UBE3B: variants seen among roughly 807,000 people sequenced by gnomAD.
The protein encoded by UBE3B is ubiquitin protein ligase E3B.
Under a neutral mutation model 132.3 loss-of-function variants are expected in UBE3B, and 80 were observed. The ratio of observed to expected loss-of-function variants is 0.60; its 90% CI spans 0.50 to 0.73. The LOEUF is 0.73. UBE3B is among the 30% of genes least tolerant of loss of function. The pLI, the probability that UBE3B is intolerant of heterozygous loss-of-function variation, is 0.00. For synonymous variants in UBE3B, 487 were observed against 520.4 expected (o/e 0.94, Z 0.87); for missense variants, 1,196 against 1,362.5 (o/e 0.88, Z 1.92).
intron 3 of UBE3B, 51 bp from the exon 4 acceptor site, chr12:109,483,810 G>T: frequency 6.3e-7 from 1 of 1,594,272 alleles, no homozygotes; most frequent in Non-Finnish European, 8.5e-7. Flanking sequence ...AGCCTTCCAG[G>T]TGCTACAAGC....
chr12:109,516,818 G>A lies in UBE3B; in HGVS notation c.2010G>A (p.Leu670=). 1 of 1,614,102 alleles carries A rather than the reference G, an allele frequency of 6.2e-7. No individual in the cohort carries two copies. Among genetic ancestry groups the A allele is most frequent in the Non-Finnish European group, 8.5e-7 (1 of 1,180,024 alleles). Residue 670 remains leucine, a synonymous_variant, in exon 19 of 28, where the codon CTG becomes CTA. Transcript: ENST00000342494. ...MVTKEKEKLG[L]VETSSASPHV... ...CCAAGGAGAAGGAGAAACTGGGGCT[G>A]GTGGAAACCAGCTCTGCCTCCCCGC...
At chr12:109,490,273 G>A (rs1877231226) in intron 8 of UBE3B, 1 of 1,081,080 alleles carries the variant, frequency 9.3e-7, no homozygotes, top group Non-Finnish European at 1.3e-6. Context: ...AACTCTGGAA[G>A]GAGACCTCAG....
chr12:109,487,067 T>C (rs1198809023), intron 6 of UBE3B, among the ~76,000 whole-genome samples: 1 of 150,864 alleles, frequency 6.6e-6, no homozygotes. Context: ...CCTCGTCCTT[T>C]CCTGCTGTAA....
chr12:109,526,601 A>G (rs1473139839), intron 24 of UBE3B, among the ~76,000 whole-genome samples, 185 bp downstream of exon 24: 1 of 152,236 alleles, frequency 6.6e-6, no homozygotes, highest in African/African-American at 2.4e-5. Flanking sequence ...GGCCGGGCAC[A>G]GTGGCTCATG....
At chr12:109,528,781 CA>C (rs1361532601) in intron 24 of UBE3B, among the ~76,000 whole-genome samples, 1 of 151,508 alleles carries the variant, frequency 6.6e-6, no homozygotes, top group Non-Finnish European at 1.5e-5. Context: ...ACCCAGGAGG[CA>C]GAGGTTGCAG....
In UBE3B at chr12:109,535,365, T is replaced by C. The variant is rs1265889372; in HGVS notation, c.*583T>C. On this transcript the variant is annotated 3_prime_UTR_variant, in exon 28 of 28. Coordinates refer to ENST00000342494, the MANE Select transcript of UBE3B (RefSeq NM_130466.4). ...GCGCAGGCGCCTGCTAGGGACGCTA[T>C]GGACACCGTGAGTCCAAGGCGCTGC... is the stretch of plus-strand genomic sequence containing the variant. 1.3e-5 allele frequency: 2 copies of C among 152,292 alleles called. No homozygotes were observed. Among genetic ancestry groups the C allele is most frequent in the East Asian group, 1.9e-4 (1 of 5,188 alleles). 9.4% of individuals were successfully genotyped at this position (152,292 alleles called of 1,614,324 possible).
At chr12:109,508,093 A>G (rs569989188) in intron 15 of UBE3B, among the ~76,000 whole-genome samples, 1 of 152,328 alleles carries the variant, frequency 6.6e-6, no homozygotes, top group African/African-American at 2.4e-5. Flanking sequence ...GATCCTTGCT[A>G]AGCAGATCTT....
chr12:109,507,707 T>C lies in UBE3B; in HGVS notation c.1594T>C (p.Phe532Leu). 1 of 1,613,916 alleles carries C rather than the reference T, an allele frequency of 6.2e-7. No homozygotes were observed. The highest frequency in any genetic ancestry group is 8.5e-7 in the Non-Finnish European group (1 of 1,179,930). ...GCAACTCTTGGCCATGCTGATGCTGTTCTGTGACTGTTCGCGGCACCTCAT... is the reference window on the plus strand; with the variant it reads ...GCAACTCTTGGCCATGCTGATGCTGCTCTGTGACTGTTCGCGGCACCTCAT... ...SKQLLAMLML[F>L]CDCSRHLITI... Residue 532 changes from phenylalanine (F) to leucine (L), a missense_variant, in exon 15 of 28, where the codon TTC becomes CTC. Transcript: ENST00000342494.
intron 18 of UBE3B, among the ~76,000 whole-genome samples, chr12:109,514,753 C>G (rs1054933680): frequency 6.6e-6 from 1 of 151,886 alleles, no homozygotes; most frequent in Non-Finnish European, 1.5e-5. Flanking sequence ...TCCCTGTGTC[C>G]CCAATCTGTC....
intron 25 of UBE3B, among the ~76,000 whole-genome samples, 160 bp downstream of exon 25, chr12:109,530,232 A>T (rs889533001): frequency 3.9e-5 from 6 of 152,132 alleles, no homozygotes; most frequent in Non-Finnish European, 7.4e-5. Flanking sequence ...AAGCTTGACC[A>T]CTTGTCTGCC....
At chr12:109,526,575 A>T in intron 24 of UBE3B, 159 bp downstream of exon 24, 1 of 796,550 alleles carries the variant, frequency 1.3e-6, no homozygotes, top group Non-Finnish European at 2.0e-6. Flanking sequence ...CCAGAATTGT[A>T]TTAAATTCAA....
At chr12:109,530,854 G>A (rs1320493754) in intron 26 of UBE3B, among the ~76,000 whole-genome samples, 196 bp downstream of exon 26, 1 of 152,228 alleles carries the variant, frequency 6.6e-6, no homozygotes. Context: ...GGCCGAGCCT[G>A]CTGTGTGTCC....
At chr12:109,517,722 C>T (rs546122887) in intron 19 of UBE3B, among the ~76,000 whole-genome samples, 1 of 152,242 alleles carries the variant, frequency 6.6e-6, no homozygotes, top group Admixed American at 6.5e-5. Flanking sequence ...CACTTCAGAC[C>T]TTTTTATCAC....
intron 14 of UBE3B, among the ~76,000 whole-genome samples, chr12:109,506,216 C>G (rs539887135): frequency 1.2e-4 from 19 of 152,166 alleles, no homozygotes; most frequent in Non-Finnish European, 2.5e-4. Flanking sequence ...GAAGCTTTGC[C>G]AAAGGTGGCG....
In UBE3B at chr12:109,499,811, G is replaced by A; in HGVS notation, c.1118+1G>A. Reference sequence around the variant, plus strand: ...GGTTCTCCCAATCTGTGGATTATGGGTGAGTCCCAGATGCAAATCACTGTC... The same window carrying A: ...GGTTCTCCCAATCTGTGGATTATGGATGAGTCCCAGATGCAAATCACTGTC... On this transcript the variant is annotated splice_donor_variant, in intron 12 of 27. Coordinates refer to ENST00000342494, the MANE Select transcript of UBE3B (RefSeq NM_130466.4). LOFTEE classifies it high-confidence loss of function. The A allele has an allele frequency of 6.3e-7, 1 of 1,594,474 alleles. No homozygotes were observed. Among genetic ancestry groups the A allele is most frequent in the South Asian group, 1.1e-5 (1 of 88,858 alleles).
At position 109,498,238 on chromosome 12, in the gene UBE3B, C is replaced by G. The variant is rs1333870719; in HGVS notation, c.825C>G (p.Leu275=). Residue 275 remains leucine (L), a synonymous_variant, in exon 11 of 28, where the codon CTC becomes CTG. Transcript: ENST00000342494. ...THLSTVTPER[L]TVLESHDMLR... ...CGGTCTGCTATTCTTTGCAGCGCCT[C>G]ACTGTTTTAGAATCCCATGACATGC... The G allele has an allele frequency of 6.2e-7, 1 of 1,614,014 alleles. No homozygotes were observed. Among genetic ancestry groups the G allele is most frequent in the Non-Finnish European group, 8.5e-7 (1 of 1,179,984 alleles).
At chr12:109,490,868 C>T in intron 8 of UBE3B, 177 bp from the exon 9 acceptor site, 1 of 1,095,194 alleles carries the variant, frequency 9.1e-7, no homozygotes. Flanking sequence ...CCCAGGCTGG[C>T]CTCAAGGAAT....
rs1430471313 is a variant in UBE3B at position 109,516,845 on chromosome 12, T to C, written c.2037T>C (p.His679=). 2 of 1,614,080 alleles carry C rather than the reference T, an allele frequency of 1.2e-6. No homozygotes were observed. Among genetic ancestry groups the C allele is most frequent in the East Asian group, 4.5e-5 (2 of 44,860 alleles). Reference sequence around the variant, plus strand: ...TGGAAACCAGCTCTGCCTCCCCGCATGTCACTCACATCACCATCCGCCGGT... The same window carrying C: ...TGGAAACCAGCTCTGCCTCCCCGCACGTCACTCACATCACCATCCGCCGGT... ...GLVETSSASP[H]VTHITIRRSR... The change falls in exon 19 of 28, where the codon CAT becomes CAC. Residue 679 remains histidine (H), a synonymous_variant. Transcript: ENST00000342494.
chr12:109,547,020 T>C, the UBE3B span, among the ~76,000 whole-genome samples: 13 of 152,088 alleles, frequency 8.5e-5, no homozygotes, highest in African/African-American at 3.1e-4. The surrounding 1 kb of genome is among the most constrained non-coding windows in gnomAD (Gnocchi z 4.1). Flanking sequence ...GGATTCAGAG[T>C]ATTTTGAGAG....
Sources: allele counts gnomAD v4.1 joint callset (sites outside exome capture counted in the v4.1 genomes callset), GRCh38; gene constraint gnomAD v4.1.1; non-coding constraint Gnocchi (gnomAD v3.1); transcripts MANE v1.5; gene names NCBI Gene and HGNC (gene_info 2026-07-23, HGNC 2026-07-21).